Variants in LGR4 observed in about 807,000 individuals in gnomAD.
LGR4 encodes the protein leucine rich repeat containing G protein-coupled receptor 4, also known as leucine-rich repeat-containing G protein-coupled receptor 4.
In LGR4, 44 loss-of-function variants were observed where a neutral mutation model predicts 84.8. That is an observed-to-expected ratio of 0.52 (90% CI 0.41 to 0.67). The LOEUF is 0.67. Among genes scored for constraint, LGR4 ranks in the 30% least tolerant of loss-of-function variants. The probability of loss-of-function intolerance (pLI) is 0.00; values close to 1 mark genes in which losing one functional copy is unlikely to be tolerated. For missense variants in LGR4, 1,032 were observed against 1,131.4 expected (o/e 0.91, Z 1.26); for synonymous variants, 429 against 434.3 (o/e 0.99, Z 0.15).
chr11:27,389,523 TAGAG>T (rs1238903606), intron 4 of LGR4, among the ~76,000 whole-genome samples: 3 of 152,100 alleles, frequency 2.0e-5, no homozygotes, highest in African/African-American at 4.8e-5. Context: ...GACCACAAAT[TAGAG>T]AGAATATTTG....
At chr11:27,431,839 T>C (rs1022340564) in intron 1 of LGR4, among the ~76,000 whole-genome samples, 1 of 152,232 alleles carries the variant, frequency 6.6e-6, no homozygotes, top group African/African-American at 2.4e-5. Flanking sequence ...AGTTCTACCA[T>C]GTATTAGCTG....
At chr11:27,462,557 C>G (rs1255603692) in intron 1 of LGR4, among the ~76,000 whole-genome samples, 1 of 152,112 alleles carries the variant, frequency 6.6e-6, no homozygotes, top group South Asian at 2.1e-4. Flanking sequence ...CAGTGGCTCA[C>G]CTGTGAAGTC....
chr11:27,428,718 G>GA (rs144509786), intron 1 of LGR4, among the ~76,000 whole-genome samples: 2,221 of 151,990 alleles, frequency 0.015, 60 homozygotes, highest in African/African-American at 0.05. Context: ...TTAGAGGTTG[G>GA]AAAAAAAGGT....
At chr11:27,464,935 A>T (rs1331802916) in intron 1 of LGR4, among the ~76,000 whole-genome samples, 1 of 152,212 alleles carries the variant, frequency 6.6e-6, no homozygotes, top group Non-Finnish European at 1.5e-5. Context: ...TAGAAAACAC[A>T]ACCAGCTAAA....
intron 1 of LGR4, among the ~76,000 whole-genome samples, chr11:27,446,413 A>G (rs914818561): frequency 6.6e-6 from 1 of 152,234 alleles, no homozygotes; most frequent in African/African-American, 2.4e-5. Flanking sequence ...ACATTTATGC[A>G]GCCAAAAGAC....
intron 1 of LGR4, among the ~76,000 whole-genome samples, chr11:27,437,214 C>T (rs1049375500): frequency 6.6e-6 from 1 of 152,156 alleles, no homozygotes; most frequent in Non-Finnish European, 1.5e-5. Context: ...AATATACACA[C>T]ACTTGTTTAT....
At chr11:27,459,345 C>CTAA (rs1864634081) in intron 1 of LGR4, among the ~76,000 whole-genome samples, 2 of 152,160 alleles carry the variant, frequency 1.3e-5, no homozygotes, top group African/African-American at 4.8e-5. Context: ...GGGAAGGACC[C>CTAA]TGATGAAATG....
In LGR4 at chr11:27,368,554, A is replaced by G. The variant is rs772615898; in HGVS notation, c.2169T>C (p.Val723=). The change falls in exon 18 of 18, where the codon GTT becomes GTC. Residue 723 remains valine, a synonymous_variant. Coordinates refer to ENST00000379214, the MANE Select transcript of LGR4 (RefSeq NM_018490.5). ...AGTTGCAGTATAGTTTAGTGTAGAT[A>G]ACGGCCATTAATAAAAATGCTAGTG... ...LNSLAFLLMA[V]IYTKLYCNLE... The G allele has an allele frequency of 1.2e-5, 19 of 1,607,508 alleles. No individual in the cohort carries two copies. Among genetic ancestry groups the G allele is most frequent in the Non-Finnish European group, 1.6e-5 (19 of 1,176,992 alleles).
At chr11:27,389,803 G>C (rs528102468) in intron 4 of LGR4, among the ~76,000 whole-genome samples, 2 of 151,370 alleles carry the variant, frequency 1.3e-5, no homozygotes, top group African/African-American at 4.8e-5. Context: ...AGTGTGTGAA[G>C]TCAGCCGAAT....
In LGR4 at chr11:27,368,839, G is replaced by T; in HGVS notation, c.1884C>A (p.Ser628=). The change falls in exon 18 of 18, where the codon TCC becomes TCA. Residue 628 remains serine (S), a synonymous_variant. Coordinates refer to ENST00000379214, the MANE Select transcript of LGR4 (RefSeq NM_018490.5). The part of the protein sequence containing the change: ...CKVAGFLAVF[S]SESAIFLLML... Reference sequence around the variant, plus strand: ...TTAATAAAAATATGGCACTTTCTGAGGAGAAAACTGCAAGAAACCCAGCTA... The same window carrying T: ...TTAATAAAAATATGGCACTTTCTGATGAGAAAACTGCAAGAAACCCAGCTA... The T allele has an allele frequency of 2.5e-6, 4 of 1,614,126 alleles. No homozygotes were observed. Among genetic ancestry groups the T allele is most frequent in the Non-Finnish European group, 3.4e-6 (4 of 1,180,030 alleles).
Position 27,412,859 on chromosome 11 carries a change from C to A in LGR4, c.187G>T (p.Asp63Tyr), listed in dbSNP as rs1248687899. 3 of 1,591,176 alleles carry A rather than the reference C, an allele frequency of 1.9e-6. No individual in the cohort carries two copies. The highest frequency in any genetic ancestry group is 1.7e-5 in the Admixed American group (1 of 59,852). The change falls in exon 2 of 18, where the codon GAT becomes TAT. Residue 63 changes from aspartate to tyrosine, a missense_variant and splice_region_variant. Transcript: ENST00000379214. ...EGLSAFTQAL[D>Y]ISMNNITQLP... is the part of the protein sequence containing the mutation. ...TGAGTAATGTTGTTCATACTGATATCCCTGGAAAACGTAAAGTTAAGAATA... is the reference window on the plus strand; with the variant it reads ...TGAGTAATGTTGTTCATACTGATATACCTGGAAAACGTAAAGTTAAGAATA...
chr11:27,436,734 A>G (rs1864218190), intron 1 of LGR4, among the ~76,000 whole-genome samples: 1 of 152,220 alleles, frequency 6.6e-6, no homozygotes, highest in African/African-American at 2.4e-5. Context: ...AAAAATAGCT[A>G]TTGGACCACT....
intron 2 of LGR4, among the ~76,000 whole-genome samples, chr11:27,400,686 A>G (rs1453933124): frequency 6.6e-6 from 1 of 151,982 alleles, no homozygotes; most frequent in African/African-American, 2.4e-5. Flanking sequence ...TATTTTTAGT[A>G]GAGACGGAGT....
chr11:27,387,841 C>G (rs576949144), intron 4 of LGR4, among the ~76,000 whole-genome samples: 1 of 152,270 alleles, frequency 6.6e-6, no homozygotes, highest in South Asian at 2.1e-4. Context: ...CAAATACCTA[C>G]AATGCCTCCA....
intron 1 of LGR4, among the ~76,000 whole-genome samples, chr11:27,425,800 A>G (rs1388488152): frequency 6.6e-6 from 1 of 152,180 alleles, no homozygotes. Flanking sequence ...CTTGAATAAA[A>G]GGCTAATTCC....
chr11:27,424,376 C>G (rs1309550080), intron 1 of LGR4, among the ~76,000 whole-genome samples: 1 of 152,072 alleles, frequency 6.6e-6, no homozygotes, highest in African/African-American at 2.4e-5. Context: ...TGCTCGGGAG[C>G]CTGAGGGAGG....
intron 1 of LGR4, among the ~76,000 whole-genome samples, chr11:27,469,425 G>A (rs1003284429): frequency 3.3e-5 from 5 of 152,148 alleles, no homozygotes; most frequent in East Asian, 1.9e-4. Flanking sequence ...TCTGCTCCTC[G>A]GTGTGGCCTT....
At chr11:27,432,127 G>A (rs1864127008) in intron 1 of LGR4, among the ~76,000 whole-genome samples, 1 of 152,078 alleles carries the variant, frequency 6.6e-6, no homozygotes, top group Admixed American at 6.6e-5. Flanking sequence ...CTCACTCCTA[G>A]GCAAGGAATA....
Position 27,374,275 on chromosome 11 carries a change from G to C in LGR4, c.1182-229C>G, listed in dbSNP as rs1171983748. Among the ~76,000 whole-genome samples, 4 of 152,172 alleles carry C rather than the reference G, an allele frequency of 2.6e-5. No homozygotes were observed. The East Asian group carries it at 7.7e-4, about 29-fold the overall frequency. On this transcript the variant is annotated intron_variant, in intron 13 of 17. Transcript: ENST00000379214. ...ACAGCAGTAATTCTAGCTGGCATCT[G>C]TTTCAAAACAGGTGTGAATTTTCCC...
Sources: gnomAD v4.1 joint callset for allele counts (sites outside exome capture counted in the v4.1 genomes callset) on GRCh38, gnomAD v4.1.1 for gene constraint, MANE v1.5 for transcripts, NCBI Gene and HGNC (gene_info 2026-07-23, HGNC 2026-07-21) for gene names.